The following ARB2A variants were observed in gnomAD, a reference collection of about 807,000 sequenced individuals.
ARB2A encodes cotranscriptional regulator ARB2A.
chr5:94,036,280 T>A, the ARB2A span, among the ~76,000 whole-genome samples: 9 of 152,288 alleles, frequency 5.9e-5, no homozygotes, highest in African/African-American at 2.2e-4. Flanking sequence ...CACAAAAAGG[T>A]ATTAGAAAAT....
chr5:94,069,124 G>A, the ARB2A span, among the ~76,000 whole-genome samples: 1,647 of 152,040 alleles, frequency 0.011, 24 homozygotes, highest in African/African-American at 0.037. Flanking sequence ...AGAGAACCCA[G>A]AAATAAATCC....
chr5:94,040,477 A>T, the ARB2A span, among the ~76,000 whole-genome samples: 1 of 150,758 alleles, frequency 6.6e-6, no homozygotes, highest in African/African-American at 2.4e-5. Context: ...TGCATTAGGT[A>T]TATCTCCTAA....
At chr5:94,085,874 A>C in the ARB2A span, among the ~76,000 whole-genome samples, 1 of 152,210 alleles carries the variant, frequency 6.6e-6, no homozygotes, top group South Asian at 2.1e-4. Flanking sequence ...AGGAAACCAA[A>C]TCTTAGAACA....
the ARB2A span, among the ~76,000 whole-genome samples, chr5:93,831,510 G>A: frequency 6.6e-6 from 1 of 152,238 alleles, no homozygotes; most frequent in South Asian, 2.1e-4. Flanking sequence ...TCTGGGATGA[G>A]ACAGGCAATG....
the ARB2A span, chr5:93,741,245 G>C: frequency 6.2e-7 from 1 of 1,613,924 alleles, no homozygotes; most frequent in Non-Finnish European, 8.5e-7. Context: ...ATGCTCCGCA[G>C]GGCAATGTAG....
chr5:94,004,851 T>C, the ARB2A span, among the ~76,000 whole-genome samples: 2 of 151,482 alleles, frequency 1.3e-5, no homozygotes, highest in Admixed American at 1.3e-4. Context: ...TATTGATTCT[T>C]ACACATTGAA....
the ARB2A span, among the ~76,000 whole-genome samples, chr5:93,987,760 C>A: frequency 6.6e-6 from 1 of 152,066 alleles, no homozygotes; most frequent in Admixed American, 6.6e-5. Context: ...AAGAAGAGTC[C>A]TTATTGTATC....
At chr5:93,714,805 C>T in the ARB2A span, among the ~76,000 whole-genome samples, 20 of 152,220 alleles carry the variant, frequency 1.3e-4, no homozygotes, top group African/African-American at 4.3e-4. Flanking sequence ...TGGAGCTTTC[C>T]CAATAAATAT....
chr5:94,059,213 T>C, the ARB2A span, among the ~76,000 whole-genome samples: 2 of 150,300 alleles, frequency 1.3e-5, no homozygotes, highest in Non-Finnish European at 3.0e-5. Context: ...AAAAAGTGGA[T>C]GAAATGTTTT....
chr5:93,741,306 A>G, the ARB2A span: 3 of 1,613,542 alleles, frequency 1.9e-6, no homozygotes, highest in South Asian at 1.1e-5. Context: ...CCCCTGCCTC[A>G]CTAGCTCCAA....
chr5:94,014,145 T>C, the ARB2A span, among the ~76,000 whole-genome samples: 6 of 152,290 alleles, frequency 3.9e-5, no homozygotes, highest in East Asian at 7.7e-4. Flanking sequence ...CCCTGGATGA[T>C]AGGCTTAACC....
the ARB2A span, among the ~76,000 whole-genome samples, chr5:94,008,279 T>A: frequency 6.6e-6 from 1 of 152,212 alleles, no homozygotes; most frequent in African/African-American, 2.4e-5. Flanking sequence ...TGTTTAAGAA[T>A]GTTATTAAAA....
chr5:93,735,635 T>TG, the ARB2A span: 1 of 152,144 alleles, frequency 6.6e-6, no homozygotes, highest in Non-Finnish European at 1.5e-5. Context: ...AAGGAGGAAA[T>TG]GGAGTTGGTG....
chr5:93,824,244 A>G, the ARB2A span: 3 of 1,591,954 alleles, frequency 1.9e-6, no homozygotes, highest in South Asian at 1.1e-5. Flanking sequence ...CATAGATTGC[A>G]TGTTCTTCAG....
the ARB2A span, among the ~76,000 whole-genome samples, chr5:93,972,488 G>A: frequency 6.6e-6 from 1 of 151,742 alleles, no homozygotes; most frequent in Admixed American, 6.6e-5. Context: ...AAGAGAGAGA[G>A]AAGTATCAGC....
At chr5:93,624,296 A>G in the ARB2A span, among the ~76,000 whole-genome samples, 2 of 152,194 alleles carry the variant, frequency 1.3e-5, no homozygotes, top group African/African-American at 4.8e-5. Flanking sequence ...TTTGAAGGGG[A>G]AAAACATGGT....
chr5:93,631,552 C>A, the ARB2A span, among the ~76,000 whole-genome samples: 1 of 152,176 alleles, frequency 6.6e-6, no homozygotes, highest in African/African-American at 2.4e-5. Context: ...AAGGGAATCA[C>A]AAGCAAAGAA....
At chr5:93,780,804 C>G in the ARB2A span, among the ~76,000 whole-genome samples, 3 of 152,146 alleles carry the variant, frequency 2.0e-5, no homozygotes, top group Non-Finnish European at 2.9e-5. Flanking sequence ...GATGATCCAC[C>G]TGCCTTGGCC....
the ARB2A span, among the ~76,000 whole-genome samples, chr5:94,019,052 G>A: frequency 1.3e-5 from 2 of 152,050 alleles, no homozygotes; most frequent in Non-Finnish European, 2.9e-5. Context: ...ACAAAAACAA[G>A]CAATGGGGAA....
Sources: allele counts gnomAD v4.1 joint callset (sites outside exome capture counted in the v4.1 genomes callset), GRCh38; gene constraint gnomAD v4.1.1; transcripts MANE v1.5; gene names NCBI Gene and HGNC (gene_info 2026-07-23, HGNC 2026-07-21).